Variants in RPSA2 observed in about 807,000 individuals in gnomAD.
RPSA2 encodes small ribosomal subunit protein uS2B.
chr19:23,829,358 T>C, the RPSA2 span, among the ~76,000 whole-genome samples: 1 of 152,190 alleles, frequency 6.6e-6, no homozygotes, highest in Non-Finnish European at 1.5e-5. Context: ...TGGAGTGCAA[T>C]GGCATTGATC....
chr19:23,790,378 GAA>G, the RPSA2 span, among the ~76,000 whole-genome samples: 3 of 151,876 alleles, frequency 2.0e-5, no homozygotes, highest in African/African-American at 7.3e-5. Flanking sequence ...CATTGAAAAA[GAA>G]AGAAAAAAGA....
At chr19:23,867,570 C>T in the RPSA2 span, among the ~76,000 whole-genome samples, 1 of 152,170 alleles carries the variant, frequency 6.6e-6, no homozygotes, top group East Asian at 1.9e-4. Context: ...GTGGCTCACG[C>T]CTGTAATCCC....
At chr19:23,791,631 T>G in the RPSA2 span, among the ~76,000 whole-genome samples, 1 of 152,192 alleles carries the variant, frequency 6.6e-6, no homozygotes, top group African/African-American at 2.4e-5. Flanking sequence ...AAATACTAAA[T>G]TTCCAGTTTC....
chr19:23,860,053 C>T, the RPSA2 span, among the ~76,000 whole-genome samples: 1 of 152,218 alleles, frequency 6.6e-6, no homozygotes, highest in African/African-American at 2.4e-5. Context: ...GTTTGCATTG[C>T]ACTTTGCTGA....
chr19:23,820,942 G>C, the RPSA2 span, among the ~76,000 whole-genome samples: 1 of 152,130 alleles, frequency 6.6e-6, no homozygotes, highest in African/African-American at 2.4e-5. Context: ...GGGTCCCTGA[G>C]GGGTTGGTCT....
chr19:23,851,110 G>A, the RPSA2 span, among the ~76,000 whole-genome samples: 1 of 152,180 alleles, frequency 6.6e-6, no homozygotes, highest in Non-Finnish European at 1.5e-5. Context: ...TGTTTGGCAA[G>A]TAGCCCAAAT....
the RPSA2 span, among the ~76,000 whole-genome samples, chr19:23,772,628 C>A: frequency 1.3e-5 from 2 of 152,074 alleles, no homozygotes; most frequent in African/African-American, 4.8e-5. Flanking sequence ...GAGTGTTATC[C>A]CAGGGCACAG....
At chr19:23,816,718 C>T in the RPSA2 span, among the ~76,000 whole-genome samples, 2 of 152,168 alleles carry the variant, frequency 1.3e-5, no homozygotes, top group African/African-American at 4.8e-5. Flanking sequence ...ATTGGACTTA[C>T]AGTTTCATGT....
the RPSA2 span, chr19:23,758,939 G>T: frequency 1.4e-6 from 1 of 692,760 alleles, no homozygotes; most frequent in Non-Finnish European, 2.5e-6. Context: ...CCAGCTGCAT[G>T]CCTGATTGGA....
the RPSA2 span, chr19:23,807,717 C>T: frequency 1.7e-5 from 4 of 240,984 alleles, no homozygotes; most frequent in Non-Finnish European, 2.6e-5. Flanking sequence ...TTCAGTCACT[C>T]TTATAAGTCA....
the RPSA2 span, among the ~76,000 whole-genome samples, chr19:23,866,650 C>A: frequency 1.3e-5 from 2 of 152,120 alleles, no homozygotes; most frequent in East Asian, 1.9e-4. Context: ...GGCCTGGACC[C>A]AGGCCCCTCA....
chr19:23,853,591 A>G, the RPSA2 span, among the ~76,000 whole-genome samples: 3 of 152,206 alleles, frequency 2.0e-5, no homozygotes, highest in African/African-American at 7.2e-5. Context: ...CTTTTACAGT[A>G]ACTTGAAGAG....
At chr19:23,793,525 G>A in the RPSA2 span, among the ~76,000 whole-genome samples, 1 of 151,688 alleles carries the variant, frequency 6.6e-6, no homozygotes, top group Non-Finnish European at 1.5e-5. Flanking sequence ...GCATGATCTT[G>A]GCTCACTGCA....
the RPSA2 span, among the ~76,000 whole-genome samples, chr19:23,773,622 T>C: frequency 6.6e-6 from 1 of 152,118 alleles, no homozygotes; most frequent in Non-Finnish European, 1.5e-5. Flanking sequence ...TCAAATAGCA[T>C]ACATCATCAT....
At chr19:23,763,431 G>C in the RPSA2 span, among the ~76,000 whole-genome samples, 6 of 152,228 alleles carry the variant, frequency 3.9e-5, no homozygotes, top group Non-Finnish European at 2.9e-5. Context: ...TCCCGACCCG[G>C]TGTTTGCGTG....
At chr19:23,807,783 A>C in the RPSA2 span, 2 of 335,368 alleles carry the variant, frequency 6.0e-6, no homozygotes, top group African/African-American at 2.3e-5. Flanking sequence ...AAATTCTGCC[A>C]ATGGCCACTT....
At chr19:23,766,588 G>C in the RPSA2 span, among the ~76,000 whole-genome samples, 1 of 150,724 alleles carries the variant, frequency 6.6e-6, no homozygotes, top group African/African-American at 2.4e-5. Context: ...CCGAGTAGCT[G>C]GGACTACAGG....
chr19:23,777,529 C>T, the RPSA2 span, among the ~76,000 whole-genome samples: 2 of 152,092 alleles, frequency 1.3e-5, no homozygotes, highest in South Asian at 2.1e-4. Flanking sequence ...TGACAAATCT[C>T]TTGGCCTGAC....
the RPSA2 span, among the ~76,000 whole-genome samples, chr19:23,834,972 CATATTTTA>C: frequency 6.6e-6 from 1 of 151,892 alleles, no homozygotes; most frequent in African/African-American, 2.4e-5. Context: ...CCATATATGG[CATATTTTA>C]ATACAGGAAT....
Sources: gnomAD v4.1 joint callset for allele counts (sites outside exome capture counted in the v4.1 genomes callset) on GRCh38, gnomAD v4.1.1 for gene constraint, MANE v1.5 for transcripts, NCBI Gene and HGNC (gene_info 2026-07-23, HGNC 2026-07-21) for gene names.